The following DMD variants were observed in gnomAD, a reference collection of about 807,000 sequenced individuals.
DMD encodes the protein mutant dystrophin.
A neutral mutation model predicts 330.1 loss-of-function variants in DMD; 63 were observed. That is an observed-to-expected ratio of 0.19 (90% confidence interval 0.16 to 0.24). The LOEUF (loss-of-function observed/expected upper bound fraction) is 0.24, where lower values mean the gene tolerates loss of function less well. Ranked by LOEUF, DMD falls within the 10% of genes least tolerant of loss-of-function variation. DMD has a pLI of 1.00. For synonymous variants in DMD, 1,223 were observed against 959.8 expected (o/e 1.27, Z -5.07); for missense variants, 3,344 against 2,684.1 (o/e 1.25, Z -5.43).
At chrX:32,363,875 AAG>A (rs2097845512) in intron 36 of DMD, among the ~76,000 whole-genome samples, 1 of 112,269 alleles carries the variant, frequency 8.9e-6, no homozygotes. Context: ...GTTTATTGAA[AAG>A]AGAGCTGTTA....
intron 67 of DMD, among the ~76,000 whole-genome samples, chrX:31,186,129 CT>C (rs2041752124): frequency 8.9e-6 from 1 of 111,865 alleles, no homozygotes; most frequent in African/African-American, 3.3e-5. Context: ...GTCATTACCC[CT>C]AATTCTAAAT....
chrX:31,502,159 A>G (rs956865456), intron 56 of DMD, among the ~76,000 whole-genome samples: 3 of 111,948 alleles, frequency 2.7e-5, no homozygotes, highest in Non-Finnish European at 3.8e-5. Context: ...TCAAACCATG[A>G]AACTACTACA....
chrX:31,483,325 C>T (rs1022132817), intron 57 of DMD, among the ~76,000 whole-genome samples: 128 of 111,564 alleles, frequency 1.1e-3, no homozygotes, highest in African/African-American at 3.9e-3. Flanking sequence ...GGATTACAGG[C>T]GTGAGCCACC....
chrX:32,667,024 A>C (rs1039542182), intron 9 of DMD, among the ~76,000 whole-genome samples: 1 of 108,937 alleles, frequency 9.2e-6, no homozygotes, highest in Non-Finnish European at 1.9e-5. Flanking sequence ...ACAACGTTTA[A>C]GTATCCATGG....
chrX:32,581,057 C>G (rs373652703), intron 13 of DMD, among the ~76,000 whole-genome samples: 189 of 111,549 alleles, frequency 1.7e-3, no homozygotes, highest in Non-Finnish European at 2.6e-3. Context: ...AACTCCTGAC[C>G]TCAAGTGATC....
At chrX:31,931,724 A>G (rs888630090) in intron 46 of DMD, among the ~76,000 whole-genome samples, 1 of 111,622 alleles carries the variant, frequency 9.0e-6, no homozygotes, top group African/African-American at 3.3e-5. Context: ...AGTTTTTAAA[A>G]TTATATGAAG....
At chrX:31,847,458 T>C (rs1276855803) in intron 48 of DMD, among the ~76,000 whole-genome samples, 1 of 111,745 alleles carries the variant, frequency 8.9e-6, no homozygotes, top group Non-Finnish European at 1.9e-5. Context: ...AGTTCAAAGA[T>C]AGGTCAGTTA....
At chrX:31,860,319 G>A (rs761879640) in intron 48 of DMD, among the ~76,000 whole-genome samples, 16 of 112,476 alleles carry the variant, frequency 1.4e-4, no homozygotes, top group Non-Finnish European at 3.0e-4. Flanking sequence ...TGATCTAGGA[G>A]AGAGTAGAAC....
At chrX:31,829,705 ATTTGAG>A (rs746572251) in intron 49 of DMD, among the ~76,000 whole-genome samples, 37 of 112,045 alleles carry the variant, frequency 3.3e-4, no homozygotes, top group African/African-American at 1.2e-3. Context: ...TTTAAACTCT[ATTTGAG>A]TTTGAGATTT....
chrX:32,625,757 T>G (rs1325975249), intron 11 of DMD, among the ~76,000 whole-genome samples: 1 of 112,150 alleles, frequency 8.9e-6, no homozygotes, highest in Non-Finnish European at 1.9e-5. Context: ...AATAAAGGCA[T>G]AAATGGATAG....
intron 48 of DMD, among the ~76,000 whole-genome samples, chrX:31,874,315 G>C (rs1167215864): frequency 9.0e-6 from 1 of 111,326 alleles, no homozygotes; most frequent in African/African-American, 3.3e-5. Context: ...AGACTATACG[G>C]GGAGATTGCT....
At chrX:32,564,398 A>T (rs1362081576) in intron 16 of DMD, among the ~76,000 whole-genome samples, 1 of 111,858 alleles carries the variant, frequency 8.9e-6, no homozygotes, top group Non-Finnish European at 1.9e-5. Context: ...TACATATGGG[A>T]ATACTCTCAG....
At chrX:32,300,127 T>A (rs1442898656) in intron 42 of DMD, among the ~76,000 whole-genome samples, 1 of 112,077 alleles carries the variant, frequency 8.9e-6, no homozygotes, top group East Asian at 2.8e-4. Context: ...CTTGTAGCAT[T>A]AATAAATATC....
intron 4 of DMD, among the ~76,000 whole-genome samples, chrX:32,834,124 G>T (rs2079396479): frequency 9.0e-6 from 1 of 111,313 alleles, no homozygotes; most frequent in Admixed American, 9.6e-5. Flanking sequence ...GTGAGTCAAA[G>T]TCACGGAATC....
chrX:32,704,333 T>G (rs1222855522), intron 7 of DMD, among the ~76,000 whole-genome samples: 1 of 92,517 alleles, frequency 1.1e-5, no homozygotes, highest in South Asian at 3.8e-4. Flanking sequence ...CCCAAGAAAG[T>G]CAATGTGAGT....
chrX:32,833,778 C>T (rs929235941), intron 4 of DMD, among the ~76,000 whole-genome samples: 6 of 106,065 alleles, frequency 5.7e-5, no homozygotes, highest in Non-Finnish European at 1.2e-4. Flanking sequence ...TTAAACAGTA[C>T]TATTTATAGT....
intron 44 of DMD, among the ~76,000 whole-genome samples, chrX:32,103,762 T>A (rs1317667030): frequency 8.9e-6 from 1 of 112,227 alleles, no homozygotes; most frequent in Non-Finnish European, 1.9e-5. Flanking sequence ...TTGAGAGACC[T>A]GTTTCTAGAT....
intron 50 of DMD, among the ~76,000 whole-genome samples, chrX:31,782,715 T>C (rs1325717267): frequency 8.9e-6 from 1 of 111,980 alleles, no homozygotes; most frequent in African/African-American, 3.2e-5. Flanking sequence ...AAACAGGATT[T>C]AAAATTCCCT....
At chrX:32,762,200 T>G (rs765380314) in intron 7 of DMD, among the ~76,000 whole-genome samples, 2 of 108,496 alleles carry the variant, frequency 1.8e-5, no homozygotes, top group African/African-American at 6.7e-5. Flanking sequence ...AAAAAAACCC[T>G]GAGTCCTGAC....
Sources: allele counts gnomAD v4.1 joint callset (sites outside exome capture counted in the v4.1 genomes callset), GRCh38; gene constraint gnomAD v4.1.1; transcripts MANE v1.5; gene names NCBI Gene and HGNC (gene_info 2026-07-23, HGNC 2026-07-21).